ANO4: variants seen among roughly 807,000 people sequenced by gnomAD.
ANO4 encodes anoctamin 4, also known as anoctamin-4.
ANO4 carries 69 observed loss-of-function variants against 141.9 expected under a neutral mutation model. The ratio of observed to expected loss-of-function variants is 0.49; its 90% CI spans 0.40 to 0.59. The LOEUF (loss-of-function observed/expected upper bound fraction) is 0.59, where lower values mean the gene tolerates loss of function less well. ANO4 is among the 20% of genes least tolerant of loss of function. The pLI is 0.00. For missense variants in ANO4, 894 were observed against 1,162.2 expected, an observed-to-expected ratio of 0.77 and a Z score of 3.36; for synonymous variants, 350 against 394.3, an observed-to-expected ratio of 0.89 and a Z score of 1.33.
chr12:100,863,525 C>G (rs562077387), intron 1 of ANO4, among the ~76,000 whole-genome samples: 13 of 152,190 alleles, frequency 8.5e-5, no homozygotes, highest in African/African-American at 3.1e-4. Context: ...CGGCTGAGTT[C>G]ACTTATATTT....
intron 1 of ANO4, among the ~76,000 whole-genome samples, chr12:100,844,222 G>A (rs922108890): frequency 2.0e-5 from 3 of 152,096 alleles, no homozygotes; most frequent in Admixed American, 6.6e-5. Flanking sequence ...GGAATGGGTA[G>A]TGCAAAGAGG....
chr12:100,999,011 T>A (rs1014186021), intron 8 of ANO4, among the ~76,000 whole-genome samples: 12 of 152,222 alleles, frequency 7.9e-5, no homozygotes, highest in Non-Finnish European at 1.8e-4. Flanking sequence ...TTATCCAATG[T>A]CAAACAGTTG....
At chr12:101,076,718 C>T (rs1394553736) in intron 14 of ANO4, among the ~76,000 whole-genome samples, 1 of 152,136 alleles carries the variant, frequency 6.6e-6, no homozygotes, top group Admixed American at 6.6e-5. Flanking sequence ...TCTTTATGCT[C>T]ATGGAGGTAC....
chr12:100,783,055 C>CCCTT (rs778662101), intron 3 of ANO4, among the ~76,000 whole-genome samples: 73 of 152,264 alleles, frequency 4.8e-4, no homozygotes, highest in Non-Finnish European at 9.3e-4. Context: ...GCTTCTTCCT[C>CCCTT]CCTTCCTTCC....
chr12:100,996,874 C>T (rs558935960), intron 8 of ANO4, among the ~76,000 whole-genome samples: 2 of 147,168 alleles, frequency 1.4e-5, no homozygotes, highest in African/African-American at 2.6e-5. Flanking sequence ...CCAATGGCAA[C>T]AATAAAAATG....
intron 8 of ANO4, among the ~76,000 whole-genome samples, chr12:100,998,379 T>TTATCTGTCTATC (rs2045483028): frequency 6.7e-6 from 1 of 148,766 alleles, no homozygotes; most frequent in South Asian, 2.2e-4. Context: ...AAACTCCCCT[T>TTATCTGTCTATC]TATCTATCTA....
intron 7 of ANO4, among the ~76,000 whole-genome samples, chr12:100,976,113 A>G (rs1368441997): frequency 6.6e-6 from 1 of 152,066 alleles, no homozygotes; most frequent in Non-Finnish European, 1.5e-5. Flanking sequence ...TCAAAATCTT[A>G]ATTGATCTTA....
intron 1 of ANO4, among the ~76,000 whole-genome samples, chr12:100,851,441 A>G (rs189776781): frequency 1.4e-4 from 21 of 152,156 alleles, no homozygotes; most frequent in Non-Finnish European, 2.4e-4. Context: ...CTATATTTCA[A>G]TGGTCACAGA....
At chr12:101,089,027 T>A (rs2049629903) in intron 17 of ANO4, among the ~76,000 whole-genome samples, 1 of 152,220 alleles carries the variant, frequency 6.6e-6, no homozygotes, top group Non-Finnish European at 1.5e-5. Flanking sequence ...TTATTTATAC[T>A]GCGTCTTAAA....
chr12:100,951,429 C>T (rs905934679), intron 5 of ANO4, among the ~76,000 whole-genome samples: 1 of 152,108 alleles, frequency 6.6e-6, no homozygotes, highest in African/African-American at 2.4e-5. Context: ...ACATGTAATC[C>T]ACCTAAATGC....
At position 100,987,731 on chromosome 12, in the gene ANO4, C is replaced by A. The variant is rs116981635; in HGVS notation, c.734+61C>A. Reference sequence around the variant, plus strand: ...GATGTGCAGCTGTGGTAGAGCCTCACCCTGCACGCCTTTGATTCCTGGGCA... The same window carrying A: ...GATGTGCAGCTGTGGTAGAGCCTCAACCTGCACGCCTTTGATTCCTGGGCA... On this transcript the variant is annotated intron_variant, in intron 8 of 27. Transcript: ENST00000392977. The A allele has an allele frequency of 2.6e-3, 4,139 of 1,586,792 alleles. 84 individuals carry two copies. The South Asian group carries it at 0.029, about 11-fold the overall frequency.
rs2047444086 is a variant in ANO4 at position 101,042,421 on chromosome 12, G to A, written c.1107G>A (p.Leu369=). The A allele has an allele frequency of 6.2e-7, 1 of 1,614,036 alleles. No individual in the cohort carries two copies. The highest frequency in any genetic ancestry group is 1.1e-5 in the South Asian group (1 of 91,086). Residue 369 remains leucine (L), a synonymous_variant, in exon 12 of 28, where the codon TTG becomes TTA. Transcript: ENST00000392977. ...TCTTCCCAGCTGCCTTCATTGGATT[G>A]TTTGTCTTTTTGTATGGCGTCACCA... ...GMLFPAAFIG[L]FVFLYGVTTL...
At chr12:100,966,693 G>A (rs527773125) in intron 5 of ANO4, among the ~76,000 whole-genome samples, 2 of 151,964 alleles carry the variant, frequency 1.3e-5, no homozygotes, top group South Asian at 4.2e-4. Flanking sequence ...CATCCCCCAT[G>A]CCCAAACCTG....
chr12:101,008,948 G>C (rs935748573), intron 8 of ANO4, among the ~76,000 whole-genome samples: 4 of 152,026 alleles, frequency 2.6e-5, no homozygotes, highest in Admixed American at 6.6e-5. Context: ...TCTGTTTCCT[G>C]TGTATCATTT....
chr12:101,022,041 CAAAAA>C, intron 9 of ANO4, among the ~76,000 whole-genome samples: 1 of 76,080 alleles, frequency 1.3e-5, no homozygotes, highest in Non-Finnish European at 2.9e-5. Flanking sequence ...ATGACTCTGC[CAAAAA>C]AAAAAAAAAA....
At chr12:101,078,836 T>TA (rs548368998) in intron 14 of ANO4, among the ~76,000 whole-genome samples, 17 of 151,312 alleles carry the variant, frequency 1.1e-4, no homozygotes, top group South Asian at 4.2e-4. Flanking sequence ...AAAAATAAAA[T>TA]AAAAAAAAAT....
chr12:100,847,564 C>G (rs926812594), intron 1 of ANO4, among the ~76,000 whole-genome samples: 1 of 151,794 alleles, frequency 6.6e-6, no homozygotes, highest in Non-Finnish European at 1.5e-5. Flanking sequence ...CTCCGCCTCC[C>G]GGGTTCACGC....
chr12:100,725,512 A>G (rs1051768653), intron 1 of ANO4, among the ~76,000 whole-genome samples: 3 of 151,732 alleles, frequency 2.0e-5, no homozygotes, highest in Admixed American at 2.0e-4. Flanking sequence ...ACGCCCGGCT[A>G]ATTTTTTGTA....
intron 8 of ANO4, among the ~76,000 whole-genome samples, chr12:100,990,608 G>A (rs2136349115): frequency 6.6e-6 from 1 of 152,192 alleles, no homozygotes. Flanking sequence ...TGGGTACAGA[G>A]GGTATAAAGA....
Sources: gnomAD v4.1 joint callset for allele counts (sites outside exome capture counted in the v4.1 genomes callset) on GRCh38, gnomAD v4.1.1 for gene constraint, MANE v1.5 for transcripts, NCBI Gene and HGNC (gene_info 2026-07-23, HGNC 2026-07-21) for gene names.